SLC41A2: variants seen among roughly 807,000 people sequenced by gnomAD.
The protein encoded by SLC41A2 is solute carrier family 41 member 2.
Under a neutral mutation model 58.3 loss-of-function variants are expected in SLC41A2, and 32 were observed. The observed-to-expected ratio is 0.55, with a 90% CI of 0.41 to 0.74. The LOEUF (loss-of-function observed/expected upper bound fraction) is 0.74, where lower values mean the gene tolerates loss of function less well. SLC41A2 is among the 30% of genes least tolerant of loss of function. The probability of loss-of-function intolerance (pLI) is 0.00; values close to 1 mark genes in which losing one functional copy is unlikely to be tolerated. For synonymous variants in SLC41A2, 190 were observed against 235.0 expected, an observed-to-expected ratio of 0.81 and a Z score of 1.75; for missense variants, 514 against 680.6, an observed-to-expected ratio of 0.76 and a Z score of 2.72.
At chr12:104,919,731 T>G (rs575063822) in intron 2 of SLC41A2, among the ~76,000 whole-genome samples, 1 of 152,366 alleles carries the variant, frequency 6.6e-6, no homozygotes, top group Non-Finnish European at 1.5e-5. Flanking sequence ...ATACTAATCC[T>G]TTGTCAGATA....
At chr12:104,871,265 C>T (rs2043758628) in intron 6 of SLC41A2, among the ~76,000 whole-genome samples, 1 of 152,094 alleles carries the variant, frequency 6.6e-6, no homozygotes. Flanking sequence ...GATAGCCATG[C>T]AGTTATAAAT....
intron 10 of SLC41A2, chr12:104,834,051 G>A (rs948840676): frequency 2.0e-6 from 2 of 985,142 alleles, no homozygotes; most frequent in Admixed American, 6.2e-5. Context: ...CCTTTATCAG[G>A]CTTTACAAGA....
At position 104,928,426 on chromosome 12, in the gene SLC41A2, T is replaced by C. The variant is rs780607023; in HGVS notation, c.102A>G (p.Gln34=). Residue 34 remains glutamine (Q), a synonymous_variant, in exon 2 of 11, where the codon CAA becomes CAG. Coordinates refer to ENST00000258538, the MANE Select transcript of SLC41A2 (RefSeq NM_001352171.3). ...VDWTLRLNTI[Q]SDKFLNLLLS... Reference sequence around the variant, plus strand: ...AGAGTAAATTTAAAAACTTGTCGGATTGAATTGTGTTTAAACGTAAAGTCC... The same window carrying C: ...AGAGTAAATTTAAAAACTTGTCGGACTGAATTGTGTTTAAACGTAAAGTCC... 3.9e-6 allele frequency: 6 copies of C among 1,553,432 alleles called. No individual in the cohort carries two copies. Among genetic ancestry groups the C allele is most frequent in the South Asian group, 2.4e-5 (2 of 84,452 alleles).
chr12:104,864,476 C>T (rs531030242), intron 7 of SLC41A2, among the ~76,000 whole-genome samples: 7 of 152,140 alleles, frequency 4.6e-5, no homozygotes, highest in Non-Finnish European at 8.8e-5. Context: ...TATTTTTTCT[C>T]TGGAAACATT....
chr12:104,853,911 A>ATTATTTTTTTTTTTTTTTTTT, intron 8 of SLC41A2, among the ~76,000 whole-genome samples: 1 of 59,494 alleles, frequency 1.7e-5, no homozygotes, highest in African/African-American at 6.9e-5. Context: ...TGCCTGGCTG[A>ATTATTTTTTTTTTTTTTTTTT]TTTTTTTTTT....
intron 1 of SLC41A2, among the ~76,000 whole-genome samples, chr12:104,955,243 C>T (rs1359246564): frequency 6.6e-6 from 1 of 151,854 alleles, no homozygotes; most frequent in Non-Finnish European, 1.5e-5. Flanking sequence ...CTCGAACTCC[C>T]AACCTCAGGT....
chr12:104,937,572 G>T (rs1359128058), intron 1 of SLC41A2, among the ~76,000 whole-genome samples: 2 of 152,168 alleles, frequency 1.3e-5, no homozygotes, highest in Non-Finnish European at 2.9e-5. Context: ...CATACTCTAT[G>T]ATACGCAATG....
At chr12:104,924,924 T>C (rs1460096194) in intron 2 of SLC41A2, among the ~76,000 whole-genome samples, 2 of 152,110 alleles carry the variant, frequency 1.3e-5, no homozygotes, top group African/African-American at 4.8e-5. Context: ...CAAAAAACCA[T>C]GTTCTATACT....
At chr12:104,903,292 A>G (rs1385505199) in intron 3 of SLC41A2, among the ~76,000 whole-genome samples, 2 of 152,204 alleles carry the variant, frequency 1.3e-5, no homozygotes, top group Non-Finnish European at 2.9e-5. Flanking sequence ...AGATCACATT[A>G]ACTCCTCTGT....
intron 1 of SLC41A2, among the ~76,000 whole-genome samples, chr12:104,944,535 C>T (rs1246031969): frequency 1.3e-5 from 2 of 152,324 alleles, no homozygotes; most frequent in East Asian, 1.9e-4. Context: ...AAACAATGAC[C>T]TAACTCTGAG....
intron 1 of SLC41A2, among the ~76,000 whole-genome samples, chr12:104,944,963 G>C (rs192228660): frequency 1.3e-5 from 2 of 151,558 alleles, no homozygotes; most frequent in East Asian, 3.9e-4. Flanking sequence ...GTGAGGTCAG[G>C]AGTTCGAGAC....
intron 2 of SLC41A2, among the ~76,000 whole-genome samples, chr12:104,910,873 A>G (rs1010236408): frequency 1.3e-5 from 2 of 152,218 alleles, no homozygotes; most frequent in Admixed American, 6.5e-5. Context: ...TACATTCTGT[A>G]GCAAAACTTT....
chr12:104,889,244 T>A (rs1343929900), intron 4 of SLC41A2, 67 bp from the exon 5 acceptor site: 4 of 1,475,452 alleles, frequency 2.7e-6, no homozygotes, highest in Admixed American at 4.7e-5. Flanking sequence ...ATTTTGATTA[T>A]GTAAATATTA....
intron 7 of SLC41A2, among the ~76,000 whole-genome samples, chr12:104,863,837 G>C (rs368670019): frequency 6.6e-6 from 1 of 152,110 alleles, no homozygotes; most frequent in East Asian, 1.9e-4. Flanking sequence ...CCTCACGTAC[G>C]CTTTTTGCTT....
chr12:104,831,326 C>A (rs1048159866), intron 10 of SLC41A2, among the ~76,000 whole-genome samples: 2 of 152,132 alleles, frequency 1.3e-5, no homozygotes, highest in Admixed American at 1.3e-4. Flanking sequence ...ATTCTCCCAC[C>A]TCAGTCTCCA....
chr12:104,952,747 T>C (rs1487046144), intron 1 of SLC41A2, among the ~76,000 whole-genome samples: 1 of 152,192 alleles, frequency 6.6e-6, no homozygotes, highest in Non-Finnish European at 1.5e-5. Flanking sequence ...CACAATCTAC[T>C]AGTAGGTGCC....
chr12:104,905,989 C>A (rs1470885282), intron 3 of SLC41A2, among the ~76,000 whole-genome samples: 2 of 152,256 alleles, frequency 1.3e-5, no homozygotes, highest in East Asian at 3.9e-4. Flanking sequence ...TGAAGGGCTC[C>A]TCTAATGCCA....
Position 104,928,301 on chromosome 12 carries a change from A to G in SLC41A2, c.227T>C (p.Phe76Ser), listed in dbSNP as rs1447303532. The G allele has an allele frequency of 6.2e-7, 1 of 1,612,694 alleles. No individual in the cohort carries two copies. The highest frequency in any genetic ancestry group is 8.5e-7 in the Non-Finnish European group (1 of 1,179,136). ...QDGLSTAVQT[F>S]SNRSEQHMEY... ...CATGTGTTGCTCAGATCTATTACTA[A>G]AAGTCTGTACTGCAGTTGATAATCC... The change falls in exon 2 of 11, where the codon TTT (phenylalanine) becomes TCT (serine). Residue 76 changes from phenylalanine to serine, a missense_variant. Phe to Ser is a radical substitution (Grantham distance 155, BLOSUM62 -2). Transcript: ENST00000258538.
chr12:104,824,098 G>A (rs764728395), intron 10 of SLC41A2, among the ~76,000 whole-genome samples: 28 of 152,172 alleles, frequency 1.8e-4, no homozygotes, highest in Non-Finnish European at 3.2e-4. Context: ...GAAGTGCTGT[G>A]TGGAGGAGGG....
Sources: gnomAD v4.1 joint callset for allele counts (sites outside exome capture counted in the v4.1 genomes callset) on GRCh38, gnomAD v4.1.1 for gene constraint, MANE v1.5 for transcripts, NCBI Gene and HGNC (gene_info 2026-07-23, HGNC 2026-07-21) for gene names.